The following PLA2R1 variants were observed in gnomAD, a reference collection of about 807,000 sequenced individuals.
PLA2R1 encodes secretory phospholipase A2 receptor.
A neutral mutation model predicts 195.9 loss-of-function variants in PLA2R1; 158 were observed. That is an observed-to-expected ratio of 0.81 (90% CI 0.71 to 0.92). PLA2R1 has a LOEUF of 0.92. Among genes scored for constraint, PLA2R1 ranks in the 40% least tolerant of loss-of-function variants. PLA2R1 has a pLI of 0.00. For synonymous variants in PLA2R1, 586 were observed against 598.2 expected, an observed-to-expected ratio of 0.98 and a Z score of 0.30; for missense variants, 1,626 against 1,764.6, an observed-to-expected ratio of 0.92 and a Z score of 1.41.
At chr2:159,983,842 A>AACT (rs1690136479) in intron 13 of PLA2R1, 86 bp downstream of exon 13, 5 of 629,264 alleles carry the variant, frequency 7.9e-6, no homozygotes, top group South Asian at 5.5e-5. Flanking sequence ...AATTTTAAAC[A>AACT]ACTACTTGGG....
Position 159,949,614 on chromosome 2 carries a change from GCA to G in PLA2R1, c.3701_3702del (p.Val1234AlafsTer3). 1.2e-6 allele frequency: 2 copies of G among 1,612,184 alleles called. No individual in the cohort carries two copies. Among genetic ancestry groups the G allele is most frequent in the South Asian group, 2.2e-5 (2 of 91,034 alleles). ...TGAATAGAATTGAACCTACCAGGTG[GCA>G]CATGACAAATGGCACCTTGCAGAAA... ...ESFLQGAICH[V>X]PPETRQSEHP... On this transcript the variant is annotated frameshift_variant, in exon 25 of 30. Transcript: ENST00000283243. LOFTEE classifies it high-confidence loss of function.
At chr2:160,048,552 T>G (rs1695028697) in intron 1 of PLA2R1, among the ~76,000 whole-genome samples, 1 of 152,228 alleles carries the variant, frequency 6.6e-6, no homozygotes, top group Non-Finnish European at 1.5e-5. Context: ...AATATTCTGA[T>G]TGTTATTATA....
intron 27 of PLA2R1, chr2:159,946,565 A>C (rs1386411774): frequency 1.7e-6 from 2 of 1,185,052 alleles, no homozygotes; most frequent in Admixed American, 4.5e-5. Context: ...TGCTAAGGGT[A>C]AAGATAAACA....
At chr2:159,949,261 T>A (rs1687576927) in intron 25 of PLA2R1, among the ~76,000 whole-genome samples, 2 of 152,006 alleles carry the variant, frequency 1.3e-5, no homozygotes. Flanking sequence ...TCCTTCCCCA[T>A]TTTCATCCAG....
intron 20 of PLA2R1, among the ~76,000 whole-genome samples, chr2:159,958,298 C>T (rs774053863): frequency 2.0e-5 from 3 of 152,004 alleles, no homozygotes; most frequent in Non-Finnish European, 4.4e-5. Context: ...ATGCTGGTTC[C>T]CTGTTATCTT....
At chr2:159,993,013 G>C (rs759110504) in intron 11 of PLA2R1, among the ~76,000 whole-genome samples, 1 of 152,118 alleles carries the variant, frequency 6.6e-6, no homozygotes, top group Non-Finnish European at 1.5e-5. Flanking sequence ...ACACCTATGA[G>C]CCTCTAATAT....
chr2:159,951,231 A>T (rs952184), intron 24 of PLA2R1, 109 bp downstream of exon 24: 646,631 of 689,016 alleles, frequency 0.94, 310,989 homozygotes, highest in East Asian at 1. Flanking sequence ...ATATTTATTA[A>T]TATTTTTGGG....
At position 159,977,363 on chromosome 2, in the gene PLA2R1, A is replaced by G. The variant is rs1220186688; in HGVS notation, c.2322T>C (p.Cys774=). ...NTYFGEDARN[C]AVYKANKTLL... Reference sequence around the variant, plus strand: ...ATGTTTTGTTTGCCTTATAAACAGCACAGTTTCTTGCATCTTCTCCAAAAT... The same window carrying G: ...ATGTTTTGTTTGCCTTATAAACAGCGCAGTTTCTTGCATCTTCTCCAAAAT... The change falls in exon 15 of 30, where the codon TGT becomes TGC. Residue 774 remains cysteine (C), a synonymous_variant. Coordinates refer to ENST00000283243, the MANE Select transcript of PLA2R1 (RefSeq NM_007366.5). 2 of 1,612,828 alleles carry G rather than the reference A, an allele frequency of 1.2e-6. No individual in the cohort carries two copies. The highest frequency in any genetic ancestry group is 3.3e-5 in the Admixed American group (2 of 60,008).
chr2:159,940,601 G>A lies in PLA2R1; in HGVS notation c.*1177C>T, dbSNP rs1687041441. 6.6e-6 allele frequency: 1 copy of A among 152,150 alleles called. No homozygotes were observed. Among genetic ancestry groups the A allele is most frequent in the African/African-American group, 2.4e-5 (1 of 41,426 alleles). The allele number at this position is 152,150 out of a possible 1,614,324, so 9.4% of individuals were successfully genotyped here. On this transcript the variant is annotated 3_prime_UTR_variant, in exon 30 of 30. Transcript: ENST00000283243. ...AATTCAATAAACAGTTATGTAATGA[G>A]TAAATTTTTAGATATTGATTATGAA...
chr2:159,970,235 C>T (rs1689070599), intron 17 of PLA2R1, 23 bp from the exon 18 acceptor site: 8 of 1,562,792 alleles, frequency 5.1e-6, no homozygotes, highest in Non-Finnish European at 6.1e-6. Context: ...AAAAAGTCAG[C>T]ATTTATTCTA....
intron 1 of PLA2R1, among the ~76,000 whole-genome samples, chr2:160,045,760 G>A (rs1246637475): frequency 6.6e-6 from 1 of 152,192 alleles, no homozygotes. Context: ...GCTATATGGG[G>A]ATAGACTCTT....
intron 12 of PLA2R1, among the ~76,000 whole-genome samples, chr2:159,985,317 G>A (rs2715921): frequency 0.86 from 130,517 of 152,224 alleles, 56,191 homozygotes; most frequent in African/African-American, 0.92. Context: ...TGCCATCTAC[G>A]AGCTACAACA....
chr2:159,995,526 T>C (rs976072280), intron 11 of PLA2R1, among the ~76,000 whole-genome samples: 1 of 152,030 alleles, frequency 6.6e-6, no homozygotes, highest in Non-Finnish European at 1.5e-5. Flanking sequence ...TAAACTTTTA[T>C]TTTTTTGCAG....
At chr2:160,012,949 G>A (rs928415371) in intron 10 of PLA2R1, among the ~76,000 whole-genome samples, 2 of 151,810 alleles carry the variant, frequency 1.3e-5, no homozygotes, top group East Asian at 1.9e-4. Flanking sequence ...AATAAATAAC[G>A]GGTTTCATTT....
At chr2:159,958,250 C>T (rs1260343239) in intron 20 of PLA2R1, among the ~76,000 whole-genome samples, 1 of 152,002 alleles carries the variant, frequency 6.6e-6, no homozygotes, top group Non-Finnish European at 1.5e-5. Context: ...GGAACCTCCT[C>T]TCACCTCACC....
chr2:160,042,893 G>C (rs1160909788), intron 2 of PLA2R1, among the ~76,000 whole-genome samples: 2 of 151,424 alleles, frequency 1.3e-5, no homozygotes, highest in Non-Finnish European at 2.9e-5. Context: ...GAGAGAGAGG[G>C]AGAGATGGGG....
At chr2:160,023,487 T>C (rs1201162351) in intron 6 of PLA2R1, among the ~76,000 whole-genome samples, 2 of 152,170 alleles carry the variant, frequency 1.3e-5, no homozygotes, top group African/African-American at 2.4e-5. Flanking sequence ...TTACCCTACA[T>C]GGTCTAAAAG....
At chr2:159,962,260 G>T (rs1001982906) in intron 20 of PLA2R1, among the ~76,000 whole-genome samples, 1 of 152,274 alleles carries the variant, frequency 6.6e-6, no homozygotes, top group East Asian at 1.9e-4. Flanking sequence ...AAGACATTAT[G>T]CAGTCAACAG....
In PLA2R1 at chr2:160,020,157, C is replaced by T; in HGVS notation, c.1401G>A (p.Glu467=). Residue 467 remains glutamate, a synonymous_variant, in exon 8 of 30, where the codon GAG becomes GAA. Transcript: ENST00000283243. ...SVIFTNWHTL[E]PHIFPNRSQL... is the part of the protein sequence containing the mutation. ...GGCTTCTATTTGGAAAAATGTGGGG[C>T]TCAAGTGTGTGCCAATTAGTAAAGA... The T allele has an allele frequency of 2.5e-6, 4 of 1,613,856 alleles. No homozygotes were observed. The highest frequency in any genetic ancestry group is 2.2e-5 in the South Asian group (2 of 91,044).
Sources: allele counts gnomAD v4.1 joint callset (sites outside exome capture counted in the v4.1 genomes callset), GRCh38; gene constraint gnomAD v4.1.1; transcripts MANE v1.5; gene names NCBI Gene and HGNC (gene_info 2026-07-23, HGNC 2026-07-21).